Variants in GRID2 observed in about 807,000 individuals in gnomAD.
GRID2 encodes the protein glutamate ionotropic receptor delta type subunit 2.
In GRID2, 33 loss-of-function variants were observed where a neutral mutation model predicts 114.8. That is an observed-to-expected ratio of 0.29 (90% CI 0.22 to 0.38). GRID2 has a LOEUF of 0.38. Among genes scored for constraint, GRID2 ranks in the 10% least tolerant of loss-of-function variants. The pLI, the probability that GRID2 is intolerant of heterozygous loss-of-function variation, is 1.00. For synonymous variants in GRID2, 505 were observed against 449.9 expected (o/e 1.12, Z -1.55); for missense variants, 1,184 against 1,257.7 (o/e 0.94, Z 0.89).
chr4:93,702,984 G>A (rs932153334), intron 14 of GRID2, among the ~76,000 whole-genome samples: 3 of 152,084 alleles, frequency 2.0e-5, no homozygotes, highest in African/African-American at 7.2e-5. Context: ...ACTGTACTAG[G>A]AGGTGATATT....
intron 1 of GRID2, among the ~76,000 whole-genome samples, chr4:93,801,298 T>G (rs1031442741): frequency 4.6e-5 from 7 of 152,074 alleles, no homozygotes; most frequent in Non-Finnish European, 1.0e-4. Flanking sequence ...AAAGTTAAAT[T>G]TAACTATTAT....
chr4:92,785,614 C>T lies in GRID2; in HGVS notation c.244+195328C>T, dbSNP rs1357521409. 5.9e-5 allele frequency among the ~76,000 whole-genome samples: 9 copies of T among 151,716 alleles called. No homozygotes were observed. The South Asian group carries it at 6.2e-4, about 10-fold the overall frequency. ...ATTAATCTTGATTGTTCCTGTATTT[C>T]TTTGATTAGTTAAAGAAACTAAGTC... On this transcript the variant is annotated intron_variant, in intron 2 of 15. Coordinates refer to ENST00000282020, the MANE Select transcript of GRID2 (RefSeq NM_001510.4).
At chr4:92,541,156 G>A (rs7660908) in intron 1 of GRID2, among the ~76,000 whole-genome samples, 2,030 of 152,128 alleles carry the variant, frequency 0.013, 24 homozygotes, top group Non-Finnish European at 0.021. Context: ...GGTGGGGAGA[G>A]GGGGGAGGGA....
intron 14 of GRID2, among the ~76,000 whole-genome samples, chr4:93,745,764 A>G (rs139958956): frequency 6.6e-6 from 1 of 152,340 alleles, no homozygotes; most frequent in East Asian, 1.9e-4. Flanking sequence ...TATATTTTCA[A>G]TTAACAGGAA....
chr4:93,804,051 C>T (rs1357103266), intron 1 of GRID2, among the ~76,000 whole-genome samples: 1 of 152,150 alleles, frequency 6.6e-6, no homozygotes, highest in African/African-American at 2.4e-5. Context: ...CCCAAGGGTC[C>T]TTCACTTTGC....
intron 2 of GRID2, among the ~76,000 whole-genome samples, chr4:92,705,670 G>A (rs1263871345): frequency 1.3e-5 from 2 of 152,168 alleles, no homozygotes; most frequent in Non-Finnish European, 2.9e-5. Context: ...ATTTCATAAT[G>A]CCTCTTTCTT....
chr4:92,747,563 C>T (rs950856482), intron 2 of GRID2, among the ~76,000 whole-genome samples: 1 of 152,040 alleles, frequency 6.6e-6, no homozygotes, highest in East Asian at 1.9e-4. Context: ...AACTCTTATC[C>T]ATAGCTATTG....
chr4:93,518,511 T>C (rs1730024311), intron 13 of GRID2, among the ~76,000 whole-genome samples: 1 of 152,122 alleles, frequency 6.6e-6, no homozygotes, highest in Non-Finnish European at 1.5e-5. Flanking sequence ...TGTCAAGCAG[T>C]ACATTAGTCA....
intron 8 of GRID2, among the ~76,000 whole-genome samples, chr4:93,292,586 G>C (rs1478090993): frequency 6.6e-6 from 1 of 152,158 alleles, no homozygotes; most frequent in Non-Finnish European, 1.5e-5. Flanking sequence ...AACTAAATGA[G>C]TTTTGCTGTT....
At chr4:92,468,570 T>C (rs1392592046) in intron 1 of GRID2, among the ~76,000 whole-genome samples, 1 of 151,998 alleles carries the variant, frequency 6.6e-6, no homozygotes, top group African/African-American at 2.4e-5. Context: ...TAAGATACAG[T>C]TTTTGTTCTT....
At chr4:92,439,290 T>C (rs867036642) in intron 1 of GRID2, among the ~76,000 whole-genome samples, 4 of 152,102 alleles carry the variant, frequency 2.6e-5, no homozygotes, top group Middle Eastern at 3.4e-3. Context: ...TCAGTTAAGG[T>C]GGGGCAGGGC....
At chr4:93,019,102 A>G (rs1276918863) in intron 2 of GRID2, among the ~76,000 whole-genome samples, 1 of 152,104 alleles carries the variant, frequency 6.6e-6, no homozygotes, top group African/African-American at 2.4e-5. Flanking sequence ...GAAATTCTTT[A>G]TATTCATCAA....
chr4:93,702,857 A>G (rs2110143509), intron 14 of GRID2, among the ~76,000 whole-genome samples: 1 of 152,288 alleles, frequency 6.6e-6, no homozygotes, highest in Admixed American at 6.5e-5. Context: ...GACAGAAAAT[A>G]AATATAAATA....
chr4:92,664,748 G>T (rs1404468550), intron 2 of GRID2, among the ~76,000 whole-genome samples: 1 of 151,070 alleles, frequency 6.6e-6, no homozygotes, highest in Non-Finnish European at 1.5e-5. Flanking sequence ...ATATCTTCAT[G>T]CAGTGTTGAT....
intron 2 of GRID2, among the ~76,000 whole-genome samples, chr4:92,792,878 C>A (rs1036103330): frequency 6.7e-6 from 1 of 148,204 alleles, no homozygotes; most frequent in Non-Finnish European, 1.5e-5. Context: ...CCAGGACCAG[C>A]GACTCATAAT....
At chr4:93,149,759 G>A (rs1048469100) in intron 4 of GRID2, among the ~76,000 whole-genome samples, 7 of 151,312 alleles carry the variant, frequency 4.6e-5, no homozygotes, top group East Asian at 2.0e-4. Context: ...TCAGCCTCCC[G>A]AGTAGCTTGG....
chr4:93,150,935 T>C (rs547033014), intron 4 of GRID2, among the ~76,000 whole-genome samples: 1 of 151,988 alleles, frequency 6.6e-6, no homozygotes, highest in Middle Eastern at 3.4e-3. Flanking sequence ...AAGACCAGCC[T>C]GGCCAACATG....
At chr4:92,596,238 A>G (rs1409196214) in intron 2 of GRID2, among the ~76,000 whole-genome samples, 4 of 152,026 alleles carry the variant, frequency 2.6e-5, no homozygotes, top group Admixed American at 2.6e-4. Flanking sequence ...TCATTCATTC[A>G]TTCATTCATT....
At chr4:92,850,485 A>G (rs758386870) in intron 2 of GRID2, among the ~76,000 whole-genome samples, 16 of 151,930 alleles carry the variant, frequency 1.1e-4, no homozygotes, top group Non-Finnish European at 1.9e-4. Context: ...ATTGACATAG[A>G]TATGGTTTTA....
Sources: gnomAD v4.1 joint callset for allele counts (sites outside exome capture counted in the v4.1 genomes callset) on GRCh38, gnomAD v4.1.1 for gene constraint, MANE v1.5 for transcripts, NCBI Gene and HGNC (gene_info 2026-07-23, HGNC 2026-07-21) for gene names.